Variants in COL23A1 observed in about 807,000 individuals in gnomAD.
COL23A1 encodes the protein collagen alpha-1(XXIII) chain.
Under a neutral mutation model 99.3 loss-of-function variants are expected in COL23A1, and 97 were observed. That is an observed-to-expected ratio of 0.98 (90% CI 0.83 to 1.16). The LOEUF (loss-of-function observed/expected upper bound fraction) is 1.16. Ranked by LOEUF, COL23A1 falls within the 50% of genes most tolerant of loss-of-function variation. The pLI is 0.00. For synonymous variants in COL23A1, 320 were observed against 308.2 expected, an observed-to-expected ratio of 1.04 and a Z score of -0.40; for missense variants, 762 against 757.4, an observed-to-expected ratio of 1.01 and a Z score of -0.07.
At chr5:178,560,223 CT>C (rs1762487918) in intron 2 of COL23A1, among the ~76,000 whole-genome samples, 1 of 152,296 alleles carries the variant, frequency 6.6e-6, no homozygotes, top group Admixed American at 6.5e-5. Context: ...TGCCTGTTTC[CT>C]TCCTCTGCCT....
chr5:178,376,905 A>G (rs1430063262), intron 2 of COL23A1, among the ~76,000 whole-genome samples: 1 of 152,202 alleles, frequency 6.6e-6, no homozygotes, highest in Non-Finnish European at 1.5e-5. Flanking sequence ...TGACTTCATC[A>G]AAGTGAACCC....
At chr5:178,574,344 C>T (rs1471394842) in intron 1 of COL23A1, among the ~76,000 whole-genome samples, 1 of 151,426 alleles carries the variant, frequency 6.6e-6, no homozygotes, top group Non-Finnish European at 1.5e-5. Flanking sequence ...CAACATCCAT[C>T]TAACTCTACA....
intron 3 of COL23A1, among the ~76,000 whole-genome samples, chr5:178,298,803 T>C (rs1473219581): frequency 6.6e-6 from 1 of 152,198 alleles, no homozygotes; most frequent in African/African-American, 2.4e-5. Flanking sequence ...TCAAGCGATT[T>C]GCCCGCCTTG....
chr5:178,402,127 T>A (rs1157233698), intron 2 of COL23A1, among the ~76,000 whole-genome samples: 2 of 152,176 alleles, frequency 1.3e-5, no homozygotes, highest in Admixed American at 1.3e-4. Flanking sequence ...CCTTTGTCTT[T>A]TAACCCATAA....
intron 2 of COL23A1, among the ~76,000 whole-genome samples, chr5:178,364,210 C>T (rs1248779321): frequency 2.0e-5 from 3 of 152,226 alleles, no homozygotes; most frequent in Non-Finnish European, 4.4e-5. Context: ...TTCCCTCCCT[C>T]CCGCCTAAGC....
At chr5:178,455,358 G>C (rs944078614) in intron 2 of COL23A1, among the ~76,000 whole-genome samples, 1 of 152,180 alleles carries the variant, frequency 6.6e-6, no homozygotes, top group Non-Finnish European at 1.5e-5. Flanking sequence ...GCACCAGCAT[G>C]GGAGGGCTGC....
At chr5:178,291,688 G>A (rs1328189710) in intron 3 of COL23A1, among the ~76,000 whole-genome samples, 9 of 152,148 alleles carry the variant, frequency 5.9e-5, no homozygotes, top group Non-Finnish European at 1.3e-4. Context: ...ATGGGGAGGG[G>A]CAAGAGTGCA....
chr5:178,517,795 C>T (rs930088967), intron 2 of COL23A1, among the ~76,000 whole-genome samples: 21 of 149,832 alleles, frequency 1.4e-4, no homozygotes, highest in Non-Finnish European at 2.5e-4. Flanking sequence ...CTCCTGACCT[C>T]GTGATCCGCC....
chr5:178,295,376 C>T (rs940818876), intron 3 of COL23A1, among the ~76,000 whole-genome samples: 2 of 152,028 alleles, frequency 1.3e-5, no homozygotes, highest in Admixed American at 6.6e-5. Context: ...GGATTATGAA[C>T]GAGGATTAAC....
chr5:178,343,663 A>ATATATAT (rs1554141722), intron 2 of COL23A1, among the ~76,000 whole-genome samples: 15 of 134,372 alleles, frequency 1.1e-4, no homozygotes, highest in African/African-American at 4.0e-4. Context: ...ATATATATAT[A>ATATATAT]TTTTTTTTTT....
At chr5:178,351,878 T>C (rs1761347525) in intron 2 of COL23A1, 1 of 152,088 alleles carries the variant, frequency 6.6e-6, no homozygotes, top group South Asian at 2.1e-4. Flanking sequence ...GGCGCTCTTA[T>C]AAGAAGAGGG....
At chr5:178,294,830 G>A (rs1395941175) in intron 3 of COL23A1, among the ~76,000 whole-genome samples, 1 of 152,156 alleles carries the variant, frequency 6.6e-6, no homozygotes, top group African/African-American at 2.4e-5. Flanking sequence ...AAGGCAAAAA[G>A]TCTCGGAAGC....
Position 178,247,814 on chromosome 5 carries a change from C to T in COL23A1, c.1230G>A (p.Glu410=), listed in dbSNP as rs1561786538. The change falls in exon 21 of 29, where the codon GAG becomes GAA. Residue 410 remains glutamate (E), a synonymous_variant. Transcript: ENST00000390654. ...LQESLAQLIV[E]PGPPGPPGPP... The stretch of plus-strand genomic sequence containing the variant: ...GGCCAGGGGGGCCAGGGGGCCCTGG[C>T]TCCACTATGAGCTGAGCCTAGGGAG... 4 of 1,613,118 alleles carry T rather than the reference C, an allele frequency of 2.5e-6. No individual in the cohort carries two copies. In the South Asian group the frequency reaches 3.3e-5, roughly 13 times the overall value.
Position 178,307,582 on chromosome 5 carries a change from G to A in COL23A1, c.362-663C>T, listed in dbSNP as rs946767095. Among the ~76,000 whole-genome samples, 3 of 152,100 alleles carry A rather than the reference G, an allele frequency of 2.0e-5. No homozygotes were observed. Among genetic ancestry groups the A allele is most frequent in the African/African-American group, 4.8e-5 (2 of 41,418 alleles). ...TTACGGTGCAGAACCCCCTACCTCC[G>A]CCTCTGGCCCTCTGCCCACATCAGA... is the stretch of plus-strand genomic sequence containing the variant. On this transcript the variant is annotated intron_variant, in intron 2 of 28. Coordinates refer to ENST00000390654, the MANE Select transcript of COL23A1 (RefSeq NM_173465.4). This position sits in a 1 kb window ranked among gnomAD's most constrained non-coding sequence, Gnocchi z 4.2.
intron 2 of COL23A1, among the ~76,000 whole-genome samples, chr5:178,443,626 AT>A (rs11441050): frequency 3.4e-4 from 50 of 145,230 alleles, no homozygotes; most frequent in Non-Finnish European, 4.9e-4. Flanking sequence ...ATGCCCAGCT[AT>A]TTTTTTTTTT....
In COL23A1 at chr5:178,589,837, C is replaced by T. The variant is rs1581695592; in HGVS notation, c.294+67G>A. The T allele has an allele frequency of 3.2e-6, 4 of 1,233,338 alleles. No homozygotes were observed. The East Asian group carries it at 1.0e-4, about 31-fold the overall frequency. 76.4% of individuals were successfully genotyped at this position (1,233,338 alleles called of 1,614,324 possible). ...AGAGACCTGCACGCTGCCCCCGGCT[C>T]CCAGCGTACCGCCACCCTCAACCCG... On this transcript the variant is annotated intron_variant, in intron 1 of 28. Transcript: ENST00000390654. This position sits in a 1 kb window ranked among gnomAD's most constrained non-coding sequence, Gnocchi z 5.4.
intron 25 of COL23A1, among the ~76,000 whole-genome samples, chr5:178,244,611 C>A (rs1764575716): frequency 6.6e-6 from 1 of 152,184 alleles, no homozygotes; most frequent in Admixed American, 6.5e-5. Flanking sequence ...GCTGGCTTTA[C>A]CTCACCACCA....
intron 5 of COL23A1, among the ~76,000 whole-genome samples, chr5:178,284,246 T>C (rs1757043373): frequency 6.6e-6 from 1 of 152,220 alleles, no homozygotes; most frequent in Admixed American, 6.5e-5. Flanking sequence ...ACTCTATGCC[T>C]GCAATTCCAA....
intron 2 of COL23A1, among the ~76,000 whole-genome samples, chr5:178,326,627 C>T (rs1759679252): frequency 6.6e-6 from 1 of 152,202 alleles, no homozygotes; most frequent in Non-Finnish European, 1.5e-5. Flanking sequence ...TTCTCCCTCC[C>T]TCAGACCTCC....
Sources: allele counts gnomAD v4.1 joint callset (sites outside exome capture counted in the v4.1 genomes callset), GRCh38; gene constraint gnomAD v4.1.1; non-coding constraint Gnocchi (gnomAD v3.1); transcripts MANE v1.5; gene names NCBI Gene and HGNC (gene_info 2026-07-23, HGNC 2026-07-21).